Variants in HIVEP2 observed in about 807,000 individuals in gnomAD.
HIVEP2 encodes HIVEP zinc finger 2.
A neutral mutation model predicts 180.7 loss-of-function variants in HIVEP2; 14 were observed. That is an observed-to-expected ratio of 0.08 (90% CI 0.05 to 0.12). The LOEUF (loss-of-function observed/expected upper bound fraction) is 0.12. Ranked by LOEUF, HIVEP2 falls within the 10% of genes least tolerant of loss-of-function variation. The pLI is 1.00. For synonymous variants in HIVEP2, 1,184 were observed against 1,136.4 expected (o/e 1.04, Z -0.84); for missense variants, 2,579 against 3,008.5 (o/e 0.86, Z 3.34).
intron 2 of HIVEP2, among the ~76,000 whole-genome samples, chr6:142,819,122 C>A (rs548011429): frequency 6.6e-6 from 1 of 151,788 alleles, no homozygotes; most frequent in Non-Finnish European, 1.5e-5. Flanking sequence ...TAGTCCCAGC[C>A]ACTTGGGAGG....
At position 142,774,584 on chromosome 6, in the gene HIVEP2, G is replaced by A. The variant is rs1775646492; in HGVS notation, c.155C>T (p.Pro52Leu). The change falls in exon 5 of 10, where the codon CCT becomes CTT. Residue 52 changes from proline (P) to leucine (L), a missense_variant. Pro to Leu is a moderately conservative substitution (Grantham distance 98). This residue lies in a region of HIVEP2 where 207 missense variants were observed against 210.1 expected (regional missense o/e 0.99). Transcript: ENST00000367603. The surrounding 1 kb of genome is among the most constrained non-coding windows in gnomAD (Gnocchi z 5.1). The part of the protein sequence containing the change: ...HEGQRQPQIE[P>L]EQIGNTASAQ... ...TGATGCTGTGTTTCCGATTTGCTCA[G>A]GCTCTATTTGTGGTTGCCGCTGTCC... 2 of 1,614,204 alleles carry A rather than the reference G, an allele frequency of 1.2e-6. No individual in the cohort carries two copies. The highest frequency in any genetic ancestry group is 2.2e-5 in the East Asian group (1 of 44,890).
Position 142,927,203 on chromosome 6 carries a change from C to T in HIVEP2, c.-641+17896G>A, listed in dbSNP as rs1031575602. 3.9e-5 allele frequency among the ~76,000 whole-genome samples: 6 copies of T among 152,174 alleles called. No individual in the cohort carries two copies. The South Asian group carries it at 1.0e-3, about 26-fold the overall frequency. ...GCCGCAGACTGCAGGCTGCCCTCCT[C>T]CACCGCCTGGATTTCCCACGGGGAG... On this transcript the variant is annotated intron_variant, in intron 1 of 9. Transcript: ENST00000367603.
intron 1 of HIVEP2, among the ~76,000 whole-genome samples, chr6:142,856,953 T>C (rs1270050369): frequency 1.4e-4 from 21 of 152,170 alleles, no homozygotes; most frequent in Admixed American, 1.4e-3. Context: ...AAGTGGGTTC[T>C]GAAGCATTCT....
intron 1 of HIVEP2, among the ~76,000 whole-genome samples, chr6:142,846,555 C>T (rs1031107069): frequency 1.3e-5 from 2 of 152,198 alleles, no homozygotes; most frequent in Non-Finnish European, 2.9e-5. Context: ...TAGCACCACA[C>T]GTTAATTATA....
chr6:142,908,921 A>G (rs1777334748), intron 1 of HIVEP2, among the ~76,000 whole-genome samples: 1 of 152,062 alleles, frequency 6.6e-6, no homozygotes, highest in Admixed American at 6.5e-5. Context: ...TTTTGAAACA[A>G]AGTACAAAGG....
chr6:142,836,672 T>G (rs909291513), intron 2 of HIVEP2, among the ~76,000 whole-genome samples: 1 of 152,172 alleles, frequency 6.6e-6, no homozygotes, highest in African/African-American at 2.4e-5. Flanking sequence ...CAAATCATCA[T>G]TAATACATCA....
intron 3 of HIVEP2, among the ~76,000 whole-genome samples, chr6:142,780,380 A>G (rs905190961): frequency 4.6e-5 from 7 of 152,226 alleles, no homozygotes; most frequent in African/African-American, 1.7e-4. Context: ...GGGAACTAGA[A>G]ATCATGCTTA....
At chr6:142,859,447 C>G (rs1775911307) in intron 1 of HIVEP2, among the ~76,000 whole-genome samples, 1 of 143,154 alleles carries the variant, frequency 7.0e-6, no homozygotes, top group Non-Finnish European at 1.5e-5. Flanking sequence ...GGCAACAGAG[C>G]AAGACCCAGT....
rs1446847531 is a variant in HIVEP2 at position 142,770,141 on chromosome 6, G to A, written c.4598C>T (p.Ser1533Phe). The A allele has an allele frequency of 1.9e-6, 3 of 1,614,126 alleles. No individual in the cohort carries two copies. The highest frequency in any genetic ancestry group is 1.7e-5 in the Admixed American group (1 of 60,010). The stretch of plus-strand genomic sequence containing the variant: ...CTTGCTGGGCAGGAATGGCTCCCTG[G>A]AAGACGGGCTAACAGAAGGATAGTC... The part of the protein sequence containing the change: ...SQDYPSVSPS[S>F]REPFLPSKEM... The change falls in exon 5 of 10, where the codon TCC becomes TTC. Residue 1533 changes from serine (S) to phenylalanine (F), a missense_variant. By Grantham distance (155) the Ser-to-Phe change is radical (BLOSUM62 -2). Coordinates refer to ENST00000367603, the MANE Select transcript of HIVEP2 (RefSeq NM_006734.4). This position sits in a 1 kb window ranked among gnomAD's most constrained non-coding sequence, Gnocchi z 4.7.
At chr6:142,923,448 T>C (rs187239619) in intron 1 of HIVEP2, among the ~76,000 whole-genome samples, 1 of 152,308 alleles carries the variant, frequency 6.6e-6, no homozygotes, top group African/African-American at 2.4e-5. Context: ...ACATTTCCCA[T>C]GATGTTAGCT....
chr6:142,839,290 C>A (rs113569953), intron 1 of HIVEP2, among the ~76,000 whole-genome samples: 1 of 152,026 alleles, frequency 6.6e-6, no homozygotes, highest in African/African-American at 2.4e-5. Context: ...CAGTGCAACA[C>A]CTCAAATAAT....
intron 2 of HIVEP2, among the ~76,000 whole-genome samples, chr6:142,792,600 A>G (rs1776166132): frequency 6.6e-6 from 1 of 152,104 alleles, no homozygotes; most frequent in Non-Finnish European, 1.5e-5. Context: ...TAGGACAAAT[A>G]CCTAAGCATG....
At chr6:142,863,089 A>T (rs1776047878) in intron 1 of HIVEP2, among the ~76,000 whole-genome samples, 1 of 144,664 alleles carries the variant, frequency 6.9e-6, no homozygotes, top group Non-Finnish European at 1.5e-5. Flanking sequence ...GTAATATATA[A>T]TTACATATAA....
chr6:142,940,930 A>G (rs1778162332), intron 1 of HIVEP2, among the ~76,000 whole-genome samples: 1 of 152,178 alleles, frequency 6.6e-6, no homozygotes, highest in African/African-American at 2.4e-5. Flanking sequence ...GCACATAAAC[A>G]TCATGTTCAT....
rs148101899 is a variant in HIVEP2, at chr6:142,815,224, G to C, written c.-528+21711C>G. Among the ~76,000 whole-genome samples the C allele has an allele frequency of 6.6e-5, 10 of 152,202 alleles. No individual in the cohort carries two copies. The East Asian group carries it at 1.4e-3, about 21-fold the overall frequency. On this transcript the variant is annotated intron_variant, in intron 2 of 9. Transcript: ENST00000367603. ...TAAGTTTCCAATACTTGCTCTTTGG[G>C]GGGGACACATTCAAACTACAGCAAA...
Position 142,774,148 on chromosome 6 carries a change from C to T in HIVEP2, c.591G>A (p.Ala197=), listed in dbSNP as rs377336482. 120 of 1,614,150 alleles carry T rather than the reference C, an allele frequency of 7.4e-5. No individual in the cohort carries two copies. The Middle Eastern group carries it at 8.2e-4, about 11-fold the overall frequency. Residue 197 remains alanine, a synonymous_variant, in exon 5 of 10, where the codon GCG becomes GCA. Transcript: ENST00000367603. The surrounding 1 kb of genome is among the most constrained non-coding windows in gnomAD (Gnocchi z 5.1). ...TTTTCAGTACACTAGGTTTGGCACA[C>T]GCTCTGCTGCAGTAAGGGCAAATGT... is the stretch of plus-strand genomic sequence containing the variant. ...GKYICPYCSR[A]CAKPSVLKKH...
chr6:142,797,130 C>T (rs552943929), intron 2 of HIVEP2, among the ~76,000 whole-genome samples: 1 of 152,122 alleles, frequency 6.6e-6, no homozygotes, highest in East Asian at 1.9e-4. Context: ...TTATACACTC[C>T]TAACACACCT....
chr6:142,848,143 C>T (rs1775562878), intron 1 of HIVEP2, among the ~76,000 whole-genome samples: 1 of 152,120 alleles, frequency 6.6e-6, no homozygotes. Flanking sequence ...AAACTTTTTT[C>T]TAATGTTACC....
rs1010364193 is a variant in HIVEP2, at chr6:142,930,594, A to G, written c.-641+14505T>C. On this transcript the variant is annotated intron_variant, in intron 1 of 9. Coordinates refer to ENST00000367603, the MANE Select transcript of HIVEP2 (RefSeq NM_006734.4). ...ACTTCTCTGGACAATAACAAGATGT[A>G]TCATCACCTCGTACCTTTCGGGCTG... Among the ~76,000 whole-genome samples, 5 of 152,332 alleles carry G rather than the reference A, an allele frequency of 3.3e-5. No individual in the cohort carries two copies. In the South Asian group the frequency reaches 1.0e-3, roughly 32 times the overall value.
Sources: gnomAD v4.1 joint callset for allele counts (sites outside exome capture counted in the v4.1 genomes callset) on GRCh38, gnomAD v4.1.1 for gene constraint, gnomAD v4.1.1 regional missense constraint, Gnocchi (gnomAD v3.1) non-coding constraint, MANE v1.5 for transcripts, NCBI Gene and HGNC (gene_info 2026-07-23, HGNC 2026-07-21) for gene names.